SHTN1: variants seen among roughly 807,000 people sequenced by gnomAD.
The protein encoded by SHTN1 is shootin 1, also known as shootin-1.
SHTN1 carries 42 observed loss-of-function variants against 83.1 expected under a neutral mutation model. The observed-to-expected ratio is 0.51, with a 90% CI of 0.39 to 0.65. SHTN1 has a LOEUF of 0.65. SHTN1 is among the 30% of genes least tolerant of loss of function. The pLI is 0.00. For missense variants in SHTN1, 622 were observed against 737.8 expected, an observed-to-expected ratio of 0.84 and a Z score of 1.82; for synonymous variants, 224 against 247.7, an observed-to-expected ratio of 0.90 and a Z score of 0.90.
At chr10:117,003,278 C>T (rs1412693702) in intron 1 of SHTN1, among the ~76,000 whole-genome samples, 1 of 150,308 alleles carries the variant, frequency 6.7e-6, no homozygotes, top group East Asian at 1.9e-4. Context: ...TCCAGTCCCT[C>T]GCTAAAACAC....
intron 3 of SHTN1, among the ~76,000 whole-genome samples, chr10:116,961,073 A>T (rs1850167893): frequency 6.6e-6 from 1 of 152,096 alleles, no homozygotes; most frequent in Non-Finnish European, 1.5e-5. Context: ...AACTCTCAGA[A>T]TCTCAACCCT....
intron 1 of SHTN1, among the ~76,000 whole-genome samples, chr10:117,000,360 C>T (rs1851780838): frequency 2.6e-5 from 4 of 152,310 alleles, no homozygotes; most frequent in Middle Eastern, 3.4e-3. Flanking sequence ...TAATTACTAA[C>T]TTGCTCTAAG....
At chr10:117,123,375 C>T (rs1853958551) in intron 1 of SHTN1, among the ~76,000 whole-genome samples, 1 of 152,092 alleles carries the variant, frequency 6.6e-6, no homozygotes, top group South Asian at 2.1e-4. Context: ...AACTTTGAGA[C>T]AACTTTGAGA....
At chr10:117,064,071 G>GC (rs1852937312) in intron 1 of SHTN1, among the ~76,000 whole-genome samples, 1 of 152,100 alleles carries the variant, frequency 6.6e-6, no homozygotes, top group African/African-American at 2.4e-5. Flanking sequence ...CCCCTTTACA[G>GC]CAAGTCTCAT....
chr10:116,932,602 G>C (rs1328946916), intron 9 of SHTN1, among the ~76,000 whole-genome samples: 1 of 152,154 alleles, frequency 6.6e-6, no homozygotes, highest in African/African-American at 2.4e-5. Context: ...CTAATGTTAA[G>C]TGTTCCGAGT....
intron 11 of SHTN1, among the ~76,000 whole-genome samples, chr10:116,922,981 A>T (rs1032725695): frequency 8.5e-5 from 13 of 152,060 alleles, no homozygotes; most frequent in African/African-American, 1.2e-4. Context: ...AAAAAAATAA[A>T]AATAATAATA....
At chr10:116,891,120 T>G (rs772020219) in intron 16 of SHTN1, among the ~76,000 whole-genome samples, 22 of 152,240 alleles carry the variant, frequency 1.4e-4, no homozygotes, top group Admixed American at 1.3e-4. Flanking sequence ...AAATTCTGCA[T>G]ATCACTCAAG....
chr10:117,069,167 T>C (rs1419753906), intron 1 of SHTN1, among the ~76,000 whole-genome samples: 1 of 152,056 alleles, frequency 6.6e-6, no homozygotes, highest in Non-Finnish European at 1.5e-5. Context: ...GAAGAGTTAG[T>C]TGTAAGAAGG....
chr10:116,948,704 G>A (rs781349317), intron 7 of SHTN1, among the ~76,000 whole-genome samples: 1 of 152,086 alleles, frequency 6.6e-6, no homozygotes, highest in East Asian at 1.9e-4. Context: ...TGGGTTCCTT[G>A]TTCCTCAAGT....
intron 5 of SHTN1, among the ~76,000 whole-genome samples, chr10:116,953,623 G>GTGTT (rs1849859476): frequency 1.1e-5 from 1 of 92,720 alleles, no homozygotes; most frequent in Non-Finnish European, 1.9e-5. Flanking sequence ...TTTGTGTTTT[G>GTGTT]TTTTTTTTTT....
intron 1 of SHTN1, among the ~76,000 whole-genome samples, chr10:117,053,957 T>C (rs61873020): frequency 0.033 from 5,010 of 152,340 alleles, 127 homozygotes; most frequent in Non-Finnish European, 0.053. Flanking sequence ...GGATGAATCT[T>C]GAAAACATTA....
intron 1 of SHTN1, among the ~76,000 whole-genome samples, chr10:117,067,624 T>C (rs1853021618): frequency 6.6e-6 from 1 of 152,040 alleles, no homozygotes; most frequent in South Asian, 2.1e-4. Context: ...AAAAAAATTT[T>C]AAAATCAATC....
Position 116,993,577 on chromosome 10 carries a change from T to C in SHTN1, c.58+11445A>G, listed in dbSNP as rs1286743971. Among the ~76,000 whole-genome samples the C allele has an allele frequency of 2.6e-5, 4 of 152,172 alleles. No homozygotes were observed. The East Asian group carries it at 5.8e-4, about 22-fold the overall frequency. ...AAAAAATACCATATATAATTAACTT[T>C]AGAGTTCTTGCTTGGGTAGTAACTG... On this transcript the variant is annotated intron_variant, in intron 1 of 16. Coordinates refer to ENST00000355371, the MANE Select transcript of SHTN1 (RefSeq NM_001127211.3).
chr10:117,065,826 AAGGAAGGAAGGAAGGAAGGAAGG>A (rs1222860728), intron 1 of SHTN1, among the ~76,000 whole-genome samples: 3 of 81,790 alleles, frequency 3.7e-5, no homozygotes, highest in African/African-American at 4.9e-5. Flanking sequence ...GGAAGGAAGG[AAGGAAGGAAGGAAGGAAGGAAGG>A]AAGGAAAGGA....
At position 116,992,072 on chromosome 10, in the gene SHTN1, G is replaced by C. The variant is rs1369775954; in HGVS notation, c.59-12764C>G. 2.6e-5 allele frequency among the ~76,000 whole-genome samples: 4 copies of C among 152,112 alleles called. No homozygotes were observed. In the East Asian group the frequency reaches 7.7e-4, roughly 29 times the overall value. ...TGGGAGGATGGTTGGAGCTCAAGAG[G>C]TTGAGGCTGCAGTGCGTCATGATCA... On this transcript the variant is annotated intron_variant, in intron 1 of 16. Transcript: ENST00000355371.
chr10:117,041,402 G>A (rs10787744), intron 2 of SHTN1, among the ~76,000 whole-genome samples: 99,199 of 152,058 alleles, frequency 0.65, 36,133 homozygotes, highest in Middle Eastern at 0.84. Flanking sequence ...AAAACTAGAT[G>A]AGTAAATAAG....
chr10:116,995,483 C>A (rs1010545270), intron 1 of SHTN1, among the ~76,000 whole-genome samples: 1 of 152,038 alleles, frequency 6.6e-6, no homozygotes, highest in Admixed American at 6.6e-5. Context: ...TCTTCTTTTG[C>A]GCTATCTATG....
intron 2 of SHTN1, among the ~76,000 whole-genome samples, chr10:117,047,652 A>C (rs1347615598): frequency 5.3e-5 from 8 of 151,962 alleles, no homozygotes; most frequent in African/African-American, 1.7e-4. Flanking sequence ...TCCTTGAAGA[A>C]TGGAAATTTC....
At chr10:116,998,431 GA>G (rs765073151) in intron 1 of SHTN1, among the ~76,000 whole-genome samples, 60 of 152,148 alleles carry the variant, frequency 3.9e-4, no homozygotes, top group Admixed American at 6.5e-4. Flanking sequence ...GAGAGAGAGA[GA>G]GAGAGACCAC....
Sources: gnomAD v4.1 joint callset for allele counts (sites outside exome capture counted in the v4.1 genomes callset) on GRCh38, gnomAD v4.1.1 for gene constraint, MANE v1.5 for transcripts, NCBI Gene and HGNC (gene_info 2026-07-23, HGNC 2026-07-21) for gene names.